CTTNBP2: variants seen among roughly 807,000 people sequenced by gnomAD.
CTTNBP2 encodes cortactin binding protein 2, also known as cortactin-binding protein 2.
Under a neutral mutation model 156.9 loss-of-function variants are expected in CTTNBP2, and 108 were observed. The ratio of observed to expected loss-of-function variants is 0.69; its 90% CI spans 0.59 to 0.81. CTTNBP2 has a LOEUF of 0.81. Among genes scored for constraint, CTTNBP2 ranks in the 30% least tolerant of loss-of-function variants. CTTNBP2 has a pLI of 0.00. For synonymous variants in CTTNBP2, 767 were observed against 751.8 expected (o/e 1.02, Z -0.33); for missense variants, 1,924 against 2,035.4 (o/e 0.95, Z 1.05).
At chr7:117,785,837 TGATGA>T (rs1459619145) in intron 4 of CTTNBP2, among the ~76,000 whole-genome samples, 1 of 152,220 alleles carries the variant, frequency 6.6e-6, no homozygotes, top group Non-Finnish European at 1.5e-5. Flanking sequence ...GTGTGTGGCA[TGATGA>T]GATAAGATCT....
chr7:117,859,665 A>G (rs900272262), intron 2 of CTTNBP2, among the ~76,000 whole-genome samples: 1 of 152,324 alleles, frequency 6.6e-6, no homozygotes, highest in South Asian at 2.1e-4. Flanking sequence ...CAAAAATTTC[A>G]TTCAGGAAAA....
chr7:117,792,312 A>C lies in CTTNBP2; in HGVS notation c.884T>G (p.Val295Gly). ...CCTTGTCACAGTTCCTTCTGTTCCC[A>C]CAGATATGGAAACCAAACGCCTATC... is the stretch of plus-strand genomic sequence containing the variant. ...TKDRRLVSIS[V>G]GTEGTVTRSV... Residue 295 changes from valine (V) to glycine (G), a missense_variant, in exon 4 of 23, where the codon GTG becomes GGG. Val to Gly is a moderately radical substitution (Grantham distance 109). Coordinates refer to ENST00000160373, the MANE Select transcript of CTTNBP2 (RefSeq NM_033427.3). This position sits in a 1 kb window ranked among gnomAD's most constrained non-coding sequence, Gnocchi z 4.2. The C allele has an allele frequency of 6.2e-7, 1 of 1,614,198 alleles. No individual in the cohort carries two copies. The highest frequency in any genetic ancestry group is 8.5e-7 in the Non-Finnish European group (1 of 1,180,020).
chr7:117,722,776 T>C (rs1184881875), intron 19 of CTTNBP2, among the ~76,000 whole-genome samples: 1 of 152,226 alleles, frequency 6.6e-6, no homozygotes, highest in African/African-American at 2.4e-5. Context: ...TGTCCAGTTA[T>C]CTGAGTACCC....
In CTTNBP2 at chr7:117,756,653, G is replaced by A. The variant is rs201209050; in HGVS notation, c.3269-19C>T. 1.2e-5 allele frequency: 18 copies of A among 1,481,788 alleles called. No homozygotes were observed. The highest frequency in any genetic ancestry group is 9.0e-5 in the East Asian group (4 of 44,232). 91.8% of individuals were successfully genotyped at this position (1,481,788 alleles called of 1,614,324 possible). On this transcript the variant is annotated intron_variant, in intron 11 of 22. Transcript: ENST00000160373. ...TGAGGACCTGTAGGAAAGGACAGAC[G>A]AAGAAAAATGGGTGTTCCCTTGTTA...
chr7:117,843,540 G>T (rs966082861), intron 2 of CTTNBP2, among the ~76,000 whole-genome samples: 6 of 152,132 alleles, frequency 3.9e-5, no homozygotes, highest in African/African-American at 1.2e-4. Context: ...ACAGGCAAGG[G>T]GGCCAGTAGG....
At chr7:117,752,565 A>G (rs918308944) in intron 12 of CTTNBP2, among the ~76,000 whole-genome samples, 4 of 152,238 alleles carry the variant, frequency 2.6e-5, no homozygotes, top group Non-Finnish European at 4.4e-5. Flanking sequence ...TTTAAAAAAC[A>G]GAAACAGAAA....
In CTTNBP2 at chr7:117,792,204, G is replaced by C; in HGVS notation, c.992C>G (p.Ser331Cys). Residue 331 changes from serine (S) to cysteine (C), a missense_variant, in exon 4 of 23, where the codon TCC (serine) becomes TGC (cysteine). Ser to Cys is a moderately radical substitution (Grantham distance 112, BLOSUM62 -1). Transcript: ENST00000160373. This position sits in a 1 kb window ranked among gnomAD's most constrained non-coding sequence, Gnocchi z 4.2. The stretch of plus-strand genomic sequence containing the variant: ...TGCAGAAACTAGGGGACTCCCTGTG[G>C]AAGGTTTTACAGGCATGGTTAAAGG... ...KLPLTMPVKP[S>C]TGSPLVSANA... The C allele has an allele frequency of 1.2e-6, 2 of 1,614,196 alleles. No homozygotes were observed. The highest frequency in any genetic ancestry group is 1.7e-6 in the Non-Finnish European group (2 of 1,180,038).
intron 1 of CTTNBP2, among the ~76,000 whole-genome samples, chr7:117,871,182 G>A (rs1252139517): frequency 1.3e-5 from 2 of 152,086 alleles, no homozygotes; most frequent in African/African-American, 2.4e-5. Flanking sequence ...TGCATAAAAC[G>A]CCTCTGATTT....
At chr7:117,734,856 T>C in intron 16 of CTTNBP2, 57 bp downstream of exon 16, 6 of 1,401,324 alleles carry the variant, frequency 4.3e-6, no homozygotes, top group Non-Finnish European at 5.8e-6. Context: ...AGCTGAGATC[T>C]CCTGACAACA....
At chr7:117,840,951 A>C (rs889294567) in intron 2 of CTTNBP2, among the ~76,000 whole-genome samples, 7 of 152,186 alleles carry the variant, frequency 4.6e-5, no homozygotes, top group African/African-American at 1.7e-4. Context: ...ATTATTAAAA[A>C]CACATAGAGA....
At chr7:117,787,745 A>G (rs1798779875) in intron 4 of CTTNBP2, among the ~76,000 whole-genome samples, 1 of 152,298 alleles carries the variant, frequency 6.6e-6, no homozygotes, top group Non-Finnish European at 1.5e-5. Context: ...GTTGCCAAAT[A>G]GAGTTTGGGT....
chr7:117,848,366 A>G (rs1802730313), intron 2 of CTTNBP2, among the ~76,000 whole-genome samples: 1 of 152,010 alleles, frequency 6.6e-6, no homozygotes, highest in Non-Finnish European at 1.5e-5. Context: ...CTTCCACCCC[A>G]GCTACTTTGC....
chr7:117,741,771 C>G (rs991922141), intron 14 of CTTNBP2, among the ~76,000 whole-genome samples: 2 of 152,202 alleles, frequency 1.3e-5, no homozygotes, highest in African/African-American at 4.8e-5. Flanking sequence ...ACTCCCTTAT[C>G]AATACCTGTC....
intron 3 of CTTNBP2, among the ~76,000 whole-genome samples, chr7:117,806,577 T>C (rs1440458475): frequency 6.6e-6 from 1 of 152,056 alleles, no homozygotes; most frequent in African/African-American, 2.4e-5. Flanking sequence ...ATCTTTTCAT[T>C]TTTTTCCTTT....
intron 16 of CTTNBP2, among the ~76,000 whole-genome samples, chr7:117,730,507 A>G (rs183332996): frequency 6.6e-6 from 1 of 152,188 alleles, no homozygotes; most frequent in African/African-American, 2.4e-5. Flanking sequence ...TCAAGAAGAG[A>G]CAAGGCTTAA....
At chr7:117,824,544 C>A (rs1464724890) in intron 2 of CTTNBP2, among the ~76,000 whole-genome samples, 2 of 152,154 alleles carry the variant, frequency 1.3e-5, no homozygotes, top group South Asian at 4.1e-4. Context: ...TGCTGATATA[C>A]TTTAAGTTCT....
chr7:117,741,850 A>G (rs1237955022), intron 14 of CTTNBP2, among the ~76,000 whole-genome samples: 2 of 152,256 alleles, frequency 1.3e-5, no homozygotes, highest in African/African-American at 4.8e-5. Flanking sequence ...AATTAAACTA[A>G]TAATTCTCTT....
chr7:117,780,758 G>GT (rs908183641), intron 6 of CTTNBP2, among the ~76,000 whole-genome samples, 167 bp from the exon 7 acceptor site: 1 of 151,918 alleles, frequency 6.6e-6, no homozygotes, highest in Non-Finnish European at 1.5e-5. Context: ...CATGACTACT[G>GT]TTTTTTTCAC....
chr7:117,775,610 G>A (rs1438329796), intron 8 of CTTNBP2, among the ~76,000 whole-genome samples: 1 of 148,608 alleles, frequency 6.7e-6, no homozygotes, highest in Non-Finnish European at 1.5e-5. Flanking sequence ...TCTAGGCTGA[G>A]TGCAGGTATA....
Sources: gnomAD v4.1 joint callset for allele counts (sites outside exome capture counted in the v4.1 genomes callset) on GRCh38, gnomAD v4.1.1 for gene constraint, Gnocchi (gnomAD v3.1) non-coding constraint, MANE v1.5 for transcripts, NCBI Gene and HGNC (gene_info 2026-07-23, HGNC 2026-07-21) for gene names.